LRRC69: variants seen among roughly 807,000 people sequenced by gnomAD.
LRRC69 encodes the protein leucine rich repeat containing 69, also known as leucine-rich repeat-containing protein 69.
Under a neutral mutation model 37.8 loss-of-function variants are expected in LRRC69, and 42 were observed. The ratio of observed to expected loss-of-function variants is 1.11; its 90% CI spans 0.87 to 1.44. The LOEUF (loss-of-function observed/expected upper bound fraction) is 1.44. Ranked by LOEUF, LRRC69 falls within the 40% of genes most tolerant of loss-of-function variation. LRRC69 has a pLI of 0.00. For synonymous variants in LRRC69, 141 were observed against 143.1 expected, an observed-to-expected ratio of 0.99 and a Z score of 0.11; for missense variants, 357 against 401.9, an observed-to-expected ratio of 0.89 and a Z score of 0.96.
At chr8:91,150,666 G>GCT (rs1345200696) in intron 5 of LRRC69, among the ~76,000 whole-genome samples, 1 of 151,892 alleles carries the variant, frequency 6.6e-6, no homozygotes, top group African/African-American at 2.4e-5. Context: ...AATGGTACCA[G>GCT]CTCCTCTTTG....
intron 6 of LRRC69, among the ~76,000 whole-genome samples, chr8:91,191,053 C>G (rs895787132): frequency 7.7e-4 from 111 of 143,478 alleles, no homozygotes; most frequent in Non-Finnish European, 1.2e-3. Context: ...CCCCCCCCCC[C>G]CAAGTCAAAA....
chr8:91,207,930 G>A (rs997879265), intron 7 of LRRC69, among the ~76,000 whole-genome samples: 16 of 152,196 alleles, frequency 1.1e-4, no homozygotes, highest in African/African-American at 3.4e-4. Flanking sequence ...AGAAGTCTGA[G>A]AGCAAGGTGC....
intron 7 of LRRC69, among the ~76,000 whole-genome samples, chr8:91,209,929 A>G (rs1216776988): frequency 6.6e-6 from 1 of 152,200 alleles, no homozygotes; most frequent in Non-Finnish European, 1.5e-5. Context: ...TTCTTACTAT[A>G]TGCAAGGTAC....
intron 7 of LRRC69, among the ~76,000 whole-genome samples, chr8:91,203,691 G>A (rs1809749047): frequency 2.0e-5 from 3 of 151,696 alleles, no homozygotes; most frequent in Non-Finnish European, 2.9e-5. Context: ...AAGCCACTGC[G>A]CCCAGCCTCA....
At chr8:91,122,437 C>G (rs1224743648) in intron 1 of LRRC69, among the ~76,000 whole-genome samples, 1 of 152,028 alleles carries the variant, frequency 6.6e-6, no homozygotes, top group African/African-American at 2.4e-5. Flanking sequence ...ACTCATTGTT[C>G]CTGTTCAGTA....
intron 7 of LRRC69, among the ~76,000 whole-genome samples, chr8:91,203,844 G>T (rs1467340706): frequency 6.6e-6 from 1 of 151,824 alleles, no homozygotes; most frequent in Admixed American, 6.6e-5. Context: ...TTCTAGCCGG[G>T]CACGGTGGCT....
Position 91,189,514 on chromosome 8 carries a change from T to A in LRRC69, c.652-8T>A, listed in dbSNP as rs1809457565. ...TTGTGCAATAAGGTTTTTATTTTGT[T>A]TGAAAAGTTTCAGGATCTGAAGCTG... On this transcript the variant is annotated splice_polypyrimidine_tract_variant and splice_region_variant and intron_variant, in intron 5 of 7. Coordinates refer to ENST00000448384, the Ensembl canonical transcript of LRRC69. The A allele has an allele frequency of 6.5e-7, 1 of 1,537,100 alleles. No homozygotes were observed. The highest frequency in any genetic ancestry group is 1.4e-5 in the African/African-American group (1 of 72,600).
intron 5 of LRRC69, among the ~76,000 whole-genome samples, chr8:91,149,559 G>A (rs1364207635): frequency 6.6e-6 from 1 of 151,928 alleles, no homozygotes; most frequent in Non-Finnish European, 1.5e-5. Context: ...GATCGACTTG[G>A]CACTGTGGGC....
At chr8:91,112,865 A>T (rs1373799422) in intron 1 of LRRC69, among the ~76,000 whole-genome samples, 1 of 152,018 alleles carries the variant, frequency 6.6e-6, no homozygotes, top group Non-Finnish European at 1.5e-5. Context: ...TAATAAATGA[A>T]TTCAGTCAAG....
intron 7 of LRRC69, chr8:91,205,600 A>C (rs928980730): frequency 6.6e-6 from 1 of 151,502 alleles, no homozygotes; most frequent in African/African-American, 2.4e-5. Context: ...AGCTACTACA[A>C]TTTTTCTCAC....
intron 1 of LRRC69, among the ~76,000 whole-genome samples, chr8:91,117,559 CTTTT>C (rs35003763): frequency 8.7e-5 from 10 of 115,096 alleles, no homozygotes; most frequent in East Asian, 2.5e-4. Context: ...ACAAGATCCA[CTTTT>C]TTTTTTTTTT....
At chr8:91,161,961 T>C (rs781026250) in intron 5 of LRRC69, among the ~76,000 whole-genome samples, 14 of 151,384 alleles carry the variant, frequency 9.2e-5, no homozygotes, top group African/African-American at 3.4e-4. Context: ...GTGTTTCTGT[T>C]TTCATTTGTT....
chr8:91,194,682 T>C (rs1353115315), intron 6 of LRRC69, among the ~76,000 whole-genome samples: 1 of 152,208 alleles, frequency 6.6e-6, no homozygotes, highest in East Asian at 1.9e-4. Flanking sequence ...TTCTGTGGGA[T>C]CGGTGATGAT....
intron 7 of LRRC69, among the ~76,000 whole-genome samples, chr8:91,207,258 T>G (rs1809820573): frequency 6.6e-6 from 1 of 152,206 alleles, no homozygotes; most frequent in Non-Finnish European, 1.5e-5. Flanking sequence ...TCCTGTCAAA[T>G]GGCAATAATA....
intron 1 of LRRC69, among the ~76,000 whole-genome samples, chr8:91,104,681 A>G (rs1019098873): frequency 9.9e-5 from 15 of 151,980 alleles, no homozygotes; most frequent in African/African-American, 1.9e-4. Flanking sequence ...AGCCAAGGAC[A>G]TTCCCTTTGT....
At chr8:91,109,451 G>A (rs755701255) in intron 1 of LRRC69, among the ~76,000 whole-genome samples, 21 of 152,012 alleles carry the variant, frequency 1.4e-4, no homozygotes, top group African/African-American at 1.9e-4. Flanking sequence ...AATTTTAGCC[G>A]AACCTTCAAA....
chr8:91,178,140 G>A (rs1433729230), intron 5 of LRRC69, among the ~76,000 whole-genome samples: 12 of 152,244 alleles, frequency 7.9e-5, no homozygotes, highest in African/African-American at 4.8e-5. Context: ...GAGCCACTGC[G>A]CCCGGCCTGT....
intron 5 of LRRC69, among the ~76,000 whole-genome samples, chr8:91,147,971 G>C (rs1470106974): frequency 6.6e-6 from 1 of 151,666 alleles, no homozygotes; most frequent in Non-Finnish European, 1.5e-5. Context: ...TTGGTTTTCT[G>C]TTCCTGGGTT....
chr8:91,108,600 A>C (rs1163241348), intron 1 of LRRC69, among the ~76,000 whole-genome samples: 1 of 152,042 alleles, frequency 6.6e-6, no homozygotes, highest in African/African-American at 2.4e-5. Flanking sequence ...GAAAACGTGC[A>C]ACTGAGTTAA....
Sources: gnomAD v4.1 joint callset for allele counts (sites outside exome capture counted in the v4.1 genomes callset) on GRCh38, gnomAD v4.1.1 for gene constraint, MANE v1.5 for transcripts, NCBI Gene and HGNC (gene_info 2026-07-23, HGNC 2026-07-21) for gene names.